Variants in ACACB observed in about 807,000 individuals in gnomAD.
The protein encoded by ACACB is acetyl-CoA carboxylase 2.
Under a neutral mutation model 278.8 loss-of-function variants are expected in ACACB, and 209 were observed. The observed-to-expected ratio is 0.75, with a 90% confidence interval of 0.67 to 0.84. The LOEUF (loss-of-function observed/expected upper bound fraction) is 0.84, where lower values mean the gene tolerates loss of function less well. Ranked by LOEUF, ACACB falls within the 40% of genes least tolerant of loss-of-function variation. The pLI, the probability that ACACB is intolerant of heterozygous loss-of-function variation, is 0.00. For synonymous variants in ACACB, 1,174 were observed against 1,285.6 expected, an observed-to-expected ratio of 0.91 and a Z score of 1.86; for missense variants, 2,850 against 3,269.0, an observed-to-expected ratio of 0.87 and a Z score of 3.13.
intron 36 of ACACB, 57 bp downstream of exon 36, chr12:109,241,338 C>A: frequency 6.5e-7 from 1 of 1,547,392 alleles, no homozygotes; most frequent in Non-Finnish European, 8.9e-7. Context: ...GCTGCTTGGG[C>A]CATCAATTTG....
intron 7 of ACACB, 43 bp downstream of exon 7, chr12:109,174,273 A>G (rs756434830): frequency 6.7e-7 from 1 of 1,494,188 alleles, no homozygotes. Context: ...TTCTCAGCCC[A>G]GTCTTGATAA....
chr12:109,201,987 C>T (rs79081066), intron 19 of ACACB, among the ~76,000 whole-genome samples: 3,265 of 152,272 alleles, frequency 0.021, 65 homozygotes, highest in South Asian at 0.077. Flanking sequence ...GCTTTCTTCT[C>T]TGCCTTTCTC....
chr12:109,112,626 C>T (rs905305347), upstream of ACACB, among the ~76,000 whole-genome samples: 10 of 147,062 alleles, frequency 6.8e-5, no homozygotes, highest in African/African-American at 2.5e-4. Context: ...CACTTGAACC[C>T]GGGCGATCGC....
At position 109,181,840 on chromosome 12, in the gene ACACB, C is replaced by CTTTTTTTTTTTTTTT. The variant is rs34174568; in HGVS notation, c.1818+1761_1818+1775dup. On this transcript the variant is annotated intron_variant, in intron 11 of 52. Coordinates refer to ENST00000338432, the MANE Select transcript of ACACB (RefSeq NM_001093.4). The stretch of plus-strand genomic sequence containing the variant: ...CTTTTTCTGTTTTCTTTTTCCTTTC[C>CTTTTTTTTTTTTTTT]TTTTTTTTTTTTTTTTTTTTTTGAG... Among the ~76,000 whole-genome samples, 11 of 81,550 alleles carry CTTTTTTTTTTTTTTT rather than the reference C, an allele frequency of 1.3e-4. 1 individual carries two copies. Among genetic ancestry groups the CTTTTTTTTTTTTTTT allele is most frequent in the Admixed American group, 3.5e-4 (2 of 5,646 alleles). 53.5% of individuals were successfully genotyped at this position (81,550 alleles called of 152,430 possible).
At chr12:109,210,210 T>TATACACACGTGTGTATATGTAC (rs2045724072) in intron 21 of ACACB, among the ~76,000 whole-genome samples, 1 of 40,840 alleles carries the variant, frequency 2.4e-5, no homozygotes, top group African/African-American at 1.2e-4. Flanking sequence ...TATATATGTA[T>TATACACACGTGTGTATATGTAC]ATATACACAC....
chr12:109,199,555 G>T lies in ACACB; in HGVS notation c.2778+3G>T. 1 of 1,462,018 alleles carries T rather than the reference G, an allele frequency of 6.8e-7. No individual in the cohort carries two copies. Among genetic ancestry groups the T allele is most frequent in the South Asian group, 1.5e-5 (1 of 67,046 alleles). The allele number at this position is 1,462,018 out of a possible 1,614,324, so 90.6% of individuals were successfully genotyped here. A position where few individuals can be genotyped will look rare whatever the true frequency, so the allele number is the denominator to read the frequency against. ...GGAGCAGCTACGCTGAGATGGAGGT[G>T]ACTGCAGAGCCGGCCGTGGGGAATC... On this transcript the variant is annotated splice_donor_region_variant and intron_variant, in intron 18 of 52. Coordinates refer to ENST00000338432, the MANE Select transcript of ACACB (RefSeq NM_001093.4).
chr12:109,190,853 A>C (rs1480816226), intron 13 of ACACB, among the ~76,000 whole-genome samples: 1 of 151,554 alleles, frequency 6.6e-6, no homozygotes, highest in East Asian at 2.0e-4. Context: ...TCTTGAACTC[A>C]TGCCTCAAGC....
intron 34 of ACACB, among the ~76,000 whole-genome samples, chr12:109,238,012 A>C (rs1224236605): frequency 8.1e-6 from 1 of 123,502 alleles, no homozygotes; most frequent in East Asian, 2.5e-4. Context: ...ACCCTATCAC[A>C]AAAAAAAAAA....
intron 24 of ACACB, 77 bp downstream of exon 24, chr12:109,216,997 A>G: frequency 2.0e-6 from 3 of 1,535,286 alleles, no homozygotes; most frequent in Non-Finnish European, 2.6e-6. Flanking sequence ...AGGGCCAGAA[A>G]GTGGCTGGGT....
At chr12:109,167,146 C>A in intron 3 of ACACB, 153 bp downstream of exon 3, 1 of 917,768 alleles carries the variant, frequency 1.1e-6, no homozygotes, top group Non-Finnish European at 1.6e-6. Flanking sequence ...ATAGTTTAAC[C>A]CTCAAATAGA....
intron 5 of ACACB, 99 bp from the exon 6 acceptor site, chr12:109,172,176 C>G: frequency 1.7e-6 from 2 of 1,146,472 alleles, no homozygotes; most frequent in South Asian, 2.7e-5. Flanking sequence ...CCTGCCTTGG[C>G]CTCCCAAACT....
intron 2 of ACACB, among the ~76,000 whole-genome samples, chr12:109,143,227 C>T (rs2043162093): frequency 6.6e-6 from 1 of 151,696 alleles, no homozygotes; most frequent in Admixed American, 6.6e-5. Context: ...TTTGGGTGGC[C>T]GAGGTGGGTG....
chr12:109,260,456 C>A, intron 47 of ACACB, 24 bp from the exon 48 acceptor site: 2 of 1,613,934 alleles, frequency 1.2e-6, no homozygotes, highest in Non-Finnish European at 1.7e-6. Flanking sequence ...GGGCCCTGAA[C>A]TGGGAGGCTG....
intron 1 of ACACB, among the ~76,000 whole-genome samples, chr12:109,122,721 GA>G (rs1166764863): frequency 1.3e-5 from 2 of 151,760 alleles, no homozygotes; most frequent in African/African-American, 2.4e-5. Context: ...TTTGGTATAG[GA>G]AAAAAAGTTG....
At chr12:109,121,510 A>G (rs961967803) in intron 1 of ACACB, among the ~76,000 whole-genome samples, 17 of 152,192 alleles carry the variant, frequency 1.1e-4, no homozygotes, top group African/African-American at 4.1e-4. Context: ...GATGAGTGCC[A>G]GGAGGAAGAG....
At chr12:109,166,021 C>T (rs562045729) in intron 2 of ACACB, among the ~76,000 whole-genome samples, 10 of 152,238 alleles carry the variant, frequency 6.6e-5, no homozygotes, top group African/African-American at 1.4e-4. Flanking sequence ...CGTGGTGGCT[C>T]ATGCCTGTAT....
At chr12:109,225,740 C>T (rs76010808) in intron 27 of ACACB, among the ~76,000 whole-genome samples, 10,018 of 152,282 alleles carry the variant, frequency 0.066, 376 homozygotes, top group African/African-American at 0.075. Flanking sequence ...CCACCAGCCA[C>T]GTGTGGTTAG....
intron 19 of ACACB, among the ~76,000 whole-genome samples, chr12:109,205,747 C>T (rs2045484671): frequency 6.6e-6 from 1 of 152,070 alleles, no homozygotes; most frequent in Non-Finnish European, 1.5e-5. Flanking sequence ...AGCCACCGTG[C>T]CCGGCCAAGT....
intron 4 of ACACB, 135 bp downstream of exon 4, chr12:109,168,169 T>A (rs1316480812): frequency 1.3e-5 from 13 of 982,564 alleles, no homozygotes; most frequent in Non-Finnish European, 1.7e-5. Flanking sequence ...TTATTTGTCC[T>A]TCCTTCTTTA....
Sources: allele counts gnomAD v4.1 joint callset (sites outside exome capture counted in the v4.1 genomes callset), GRCh38; gene constraint gnomAD v4.1.1; transcripts MANE v1.5; gene names NCBI Gene and HGNC (gene_info 2026-07-23, HGNC 2026-07-21).